The following MAP4K5 variants were observed in gnomAD, a reference collection of about 807,000 sequenced individuals.
MAP4K5 encodes MAPK/ERK kinase kinase kinase 5.
Under a neutral mutation model 135.6 loss-of-function variants are expected in MAP4K5, and 82 were observed. The observed-to-expected ratio is 0.60, with a 90% confidence interval of 0.51 to 0.73. The LOEUF (loss-of-function observed/expected upper bound fraction) is 0.73, where lower values mean the gene tolerates loss of function less well. Ranked by LOEUF, MAP4K5 falls within the 30% of genes least tolerant of loss-of-function variation. MAP4K5 has a pLI of 0.00. For synonymous variants in MAP4K5, 347 were observed against 335.0 expected, an observed-to-expected ratio of 1.04 and a Z score of -0.39; for missense variants, 907 against 1,010.9, an observed-to-expected ratio of 0.90 and a Z score of 1.39.
chr14:50,423,835 G>A (rs1209587815), intron 31 of MAP4K5, among the ~76,000 whole-genome samples: 2 of 152,288 alleles, frequency 1.3e-5, no homozygotes, highest in East Asian at 3.9e-4. Context: ...AGTGCCCGCA[G>A]TTTGTATACC....
chr14:50,510,364 C>T (rs191088536), intron 2 of MAP4K5, among the ~76,000 whole-genome samples: 1 of 152,286 alleles, frequency 6.6e-6, no homozygotes, highest in African/African-American at 2.4e-5. Context: ...GCCTGGTTAA[C>T]TCAGACTCGT....
intron 13 of MAP4K5, among the ~76,000 whole-genome samples, chr14:50,460,725 G>C (rs2036693228): frequency 6.6e-6 from 1 of 152,108 alleles, no homozygotes; most frequent in African/African-American, 2.4e-5. Flanking sequence ...CCAGGCAATG[G>C]GGAAATAAAG....
chr14:50,498,607 T>C (rs931196236), intron 3 of MAP4K5, among the ~76,000 whole-genome samples: 1 of 152,232 alleles, frequency 6.6e-6, no homozygotes, highest in Non-Finnish European at 1.5e-5. Context: ...AAATTTTGAA[T>C]ATAGCATTAT....
In MAP4K5 at chr14:50,453,005, T is replaced by A. The variant is rs181985507; in HGVS notation, c.1015+3511A>T. 7.9e-4 allele frequency among the ~76,000 whole-genome samples: 121 copies of A among 152,320 alleles called. 3 individuals carry two copies. Among genetic ancestry groups the A allele is most frequent in the Admixed American group, 7.8e-3 (119 of 15,300 alleles). ...TTTGCTAGCTGGAGGTTTTGGACTG[T>A]TGACAGATGCTTGTTACTTCTTTAT... On this transcript the variant is annotated intron_variant, in intron 14 of 32. Transcript: ENST00000682126.
intron 23 of MAP4K5, among the ~76,000 whole-genome samples, chr14:50,439,137 A>C (rs2036165833): frequency 6.6e-6 from 1 of 151,842 alleles, no homozygotes; most frequent in Non-Finnish European, 1.5e-5. Flanking sequence ...GAAGCCATTT[A>C]ACACACAATC....
chr14:50,447,049 G>A (rs1478953456), intron 16 of MAP4K5, among the ~76,000 whole-genome samples: 8 of 152,150 alleles, frequency 5.3e-5, no homozygotes, highest in Admixed American at 5.2e-4. Context: ...GGCAATTGCA[G>A]TACACAGACA....
intron 1 of MAP4K5, among the ~76,000 whole-genome samples, chr14:50,543,379 A>G (rs931360712): frequency 7.2e-5 from 11 of 152,346 alleles, no homozygotes; most frequent in Admixed American, 7.2e-4. Context: ...GTGACCTGTC[A>G]TCATGGGAAT....
rs377483235 is a variant in MAP4K5 at position 50,440,371 on chromosome 14, C to G, written c.1635G>C (p.Thr545=). The change falls in exon 22 of 33, where the codon ACG becomes ACC. Residue 545 remains threonine, a synonymous_variant. Transcript: ENST00000682126. ...TAAAATGCCTAATTACCTGTTCCAT[C>G]GTTGCCTCATGTAGCTCATTGAGAT... ...TLNLNELHEA[T]MEQLFPRKCT... is the part of the protein sequence containing the mutation. The G allele has an allele frequency of 1.3e-6, 2 of 1,592,396 alleles. No individual in the cohort carries two copies. The highest frequency in any genetic ancestry group is 1.7e-6 in the Non-Finnish European group (2 of 1,163,778).
intron 3 of MAP4K5, among the ~76,000 whole-genome samples, chr14:50,490,982 G>C (rs1260953775): frequency 6.6e-6 from 1 of 152,112 alleles, no homozygotes. Context: ...TCATACTCTG[G>C]GGATGAACTG....
intron 1 of MAP4K5, among the ~76,000 whole-genome samples, chr14:50,551,977 C>G (rs1432987852): frequency 6.6e-6 from 1 of 152,164 alleles, no homozygotes; most frequent in Non-Finnish European, 1.5e-5. Flanking sequence ...ACTTTCACCA[C>G]TTCTACTCAA....
At chr14:50,468,881 C>T in intron 9 of MAP4K5, 99 bp from the exon 10 acceptor site, 1 of 1,085,552 alleles carries the variant, frequency 9.2e-7, no homozygotes, top group Non-Finnish European at 1.3e-6. Flanking sequence ...GGGAAGGAAG[C>T]TGAGAGGTGT....
chr14:50,539,115 G>A (rs1459336699), intron 2 of MAP4K5, among the ~76,000 whole-genome samples: 1 of 152,210 alleles, frequency 6.6e-6, no homozygotes, highest in Non-Finnish European at 1.5e-5. Context: ...TTTCTAGGAT[G>A]ATATCACTCA....
rs2036423062 is a variant in MAP4K5, at chr14:50,448,984, C to T, written c.1016-152G>A. On this transcript the variant is annotated intron_variant, in intron 14 of 32. Coordinates refer to ENST00000682126, the MANE Select transcript of MAP4K5 (RefSeq NM_006575.6). ...GTTATTTTTTGACTACAAGAGTACC[C>T]CTTTGTTATGCTTACCAAAAGTAAA... 34 of 595,654 alleles carry T rather than the reference C, an allele frequency of 5.7e-5. No individual in the cohort carries two copies. The East Asian group carries it at 1.1e-3, about 19-fold the overall frequency. The allele number at this position is 595,654 out of a possible 1,614,324, so 36.9% of individuals were successfully genotyped here.
chr14:50,536,976 G>A (rs1170989406), upstream of MAP4K5, among the ~76,000 whole-genome samples: 1 of 152,274 alleles, frequency 6.6e-6, no homozygotes, highest in Non-Finnish European at 1.5e-5. Flanking sequence ...CAAGCAGGCT[G>A]CAGAAATTTG....
rs1326179146 is a variant in MAP4K5, at chr14:50,420,123, A to G, written c.2454-17T>C. The G allele has an allele frequency of 2.0e-6, 3 of 1,483,504 alleles. No homozygotes were observed. The highest frequency in any genetic ancestry group is 1.9e-6 in the Non-Finnish European group (2 of 1,066,716). 91.9% of individuals were successfully genotyped at this position (1,483,504 alleles called of 1,614,324 possible). A position where few individuals can be genotyped will look rare whatever the true frequency, so the allele number is the denominator to read the frequency against. On this transcript the variant is annotated splice_polypyrimidine_tract_variant and intron_variant, in intron 32 of 32. Coordinates refer to ENST00000682126, the MANE Select transcript of MAP4K5 (RefSeq NM_006575.6). ...ACGACAACCCTGTAATTAAACCAAAACAAAGGGCTTAAGAGTAACTACAGA... is the reference window on the plus strand; with the variant it reads ...ACGACAACCCTGTAATTAAACCAAAGCAAAGGGCTTAAGAGTAACTACAGA...
intron 31 of MAP4K5, 87 bp downstream of exon 31, chr14:50,425,820 A>C (rs1486413053): frequency 3.5e-6 from 3 of 855,970 alleles, no homozygotes; most frequent in African/African-American, 3.4e-5. Flanking sequence ...ACAGTAATGT[A>C]GGTTCAGAGA....
chr14:50,481,122 T>C (rs1030434642), intron 6 of MAP4K5, among the ~76,000 whole-genome samples: 16 of 151,700 alleles, frequency 1.1e-4, no homozygotes, highest in Admixed American at 2.0e-4. Flanking sequence ...AGGGAAACAA[T>C]GAACTTTAGA....
intron 3 of MAP4K5, among the ~76,000 whole-genome samples, chr14:50,502,109 A>G (rs549628734): frequency 1.4e-4 from 22 of 152,136 alleles, no homozygotes; most frequent in Non-Finnish European, 2.9e-4. Flanking sequence ...GAACTCATTT[A>G]TGCCTACTGT....
chr14:50,518,190 T>G (rs1045810322), intron 2 of MAP4K5, among the ~76,000 whole-genome samples: 1 of 152,220 alleles, frequency 6.6e-6, no homozygotes, highest in Non-Finnish European at 1.5e-5. Context: ...AAATGACCAT[T>G]TGTAAAGGAC....
Sources: gnomAD v4.1 joint callset for allele counts (sites outside exome capture counted in the v4.1 genomes callset) on GRCh38, gnomAD v4.1.1 for gene constraint, MANE v1.5 for transcripts, NCBI Gene and HGNC (gene_info 2026-07-23, HGNC 2026-07-21) for gene names.